The following ADGRL2 variants were observed in gnomAD, a reference collection of about 807,000 sequenced individuals.
ADGRL2 encodes the protein adhesion G protein-coupled receptor L2.
Under a neutral mutation model 157.4 loss-of-function variants are expected in ADGRL2, and 44 were observed. That is an observed-to-expected ratio of 0.28 (90% CI 0.22 to 0.36). ADGRL2 has a LOEUF of 0.36. Ranked by LOEUF, ADGRL2 falls within the 10% of genes least tolerant of loss-of-function variation. The pLI is 1.00. For synonymous variants in ADGRL2, 585 were observed against 624.7 expected, an observed-to-expected ratio of 0.94 and a Z score of 0.95; for missense variants, 1,510 against 1,768.9, an observed-to-expected ratio of 0.85 and a Z score of 2.63.
intron 2 of ADGRL2, among the ~76,000 whole-genome samples, chr1:81,847,188 G>C (rs2150415367): frequency 6.6e-6 from 1 of 152,008 alleles, no homozygotes; most frequent in Non-Finnish European, 1.5e-5. Flanking sequence ...GAAGAAAGAT[G>C]ATGGAGGTCA....
intron 3 of ADGRL2, among the ~76,000 whole-genome samples, chr1:81,598,635 G>A (rs754643530): frequency 1.3e-4 from 20 of 152,162 alleles, no homozygotes; most frequent in Admixed American, 1.3e-4. Flanking sequence ...GCCATAACAC[G>A]TTTAAAGGAC....
intron 2 of ADGRL2, among the ~76,000 whole-genome samples, chr1:81,789,510 G>A (rs1270441778): frequency 1.3e-5 from 2 of 151,792 alleles, no homozygotes; most frequent in Non-Finnish European, 2.9e-5. Context: ...GGCAGATCAC[G>A]AGGTCAGGAG....
intron 1 of ADGRL2, among the ~76,000 whole-genome samples, chr1:81,411,963 C>T (rs1363661795): frequency 6.6e-6 from 1 of 151,794 alleles, no homozygotes; most frequent in Non-Finnish European, 1.5e-5. Flanking sequence ...ATTCTGATAG[C>T]TCTTAGACAT....
At chr1:81,815,913 T>G (rs992248195) in intron 1 of ADGRL2, among the ~76,000 whole-genome samples, 4 of 151,822 alleles carry the variant, frequency 2.6e-5, no homozygotes, top group Non-Finnish European at 1.5e-5. Flanking sequence ...ATAAGTATCT[T>G]AGAATTCACA....
chr1:81,728,167 A>G (rs1203697103), intron 1 of ADGRL2, among the ~76,000 whole-genome samples: 3 of 152,000 alleles, frequency 2.0e-5, no homozygotes, highest in East Asian at 3.9e-4. Context: ...GTTCTAACTT[A>G]TTTACTTTTT....
chr1:81,609,735 G>T (rs1055665779), intron 3 of ADGRL2, among the ~76,000 whole-genome samples: 4 of 152,162 alleles, frequency 2.6e-5, no homozygotes, highest in African/African-American at 9.7e-5. Context: ...AAGCAATCCA[G>T]AGTCTTTTAA....
intron 2 of ADGRL2, among the ~76,000 whole-genome samples, chr1:81,891,524 C>T (rs1410620075): frequency 6.6e-6 from 1 of 152,008 alleles, no homozygotes; most frequent in Non-Finnish European, 1.5e-5. Flanking sequence ...GAAAATGTCA[C>T]CATATTTTAA....
At chr1:81,538,352 C>T (rs2079796165) in intron 2 of ADGRL2, among the ~76,000 whole-genome samples, 1 of 152,128 alleles carries the variant, frequency 6.6e-6, no homozygotes, top group Non-Finnish European at 1.5e-5. Context: ...ATAGCTCTGC[C>T]ATCTTCAACT....
intron 2 of ADGRL2, among the ~76,000 whole-genome samples, chr1:81,508,044 A>T (rs1272230689): frequency 6.6e-6 from 1 of 152,230 alleles, no homozygotes; most frequent in Non-Finnish European, 1.5e-5. Context: ...TATTCTAAGA[A>T]AACATTTAAT....
chr1:81,830,588 A>G (rs1267408010), intron 1 of ADGRL2, among the ~76,000 whole-genome samples: 1 of 151,950 alleles, frequency 6.6e-6, no homozygotes, highest in East Asian at 1.9e-4. Flanking sequence ...GCTCACTGCA[A>G]CCTCCACCTT....
chr1:81,587,513 T>C (rs2081051283), intron 3 of ADGRL2, among the ~76,000 whole-genome samples: 2 of 152,090 alleles, frequency 1.3e-5, no homozygotes, highest in South Asian at 4.1e-4. Flanking sequence ...GAAGAAGTTG[T>C]TGACTATGAC....
At chr1:81,690,422 G>A (rs903925591) in intron 3 of ADGRL2, among the ~76,000 whole-genome samples, 1 of 152,152 alleles carries the variant, frequency 6.6e-6, no homozygotes, top group Non-Finnish European at 1.5e-5. Flanking sequence ...CTTGAACCCC[G>A]GAGGTGGAGA....
intron 1 of ADGRL2, among the ~76,000 whole-genome samples, chr1:81,434,446 G>A (rs2077374949): frequency 6.6e-6 from 1 of 152,048 alleles, no homozygotes; most frequent in Non-Finnish European, 1.5e-5. Flanking sequence ...CTACCCAAAT[G>A]TAAACTTCAT....
intron 1 of ADGRL2, among the ~76,000 whole-genome samples, chr1:81,382,455 T>G (rs2076359740): frequency 6.6e-6 from 1 of 152,230 alleles, no homozygotes; most frequent in African/African-American, 2.4e-5. Context: ...GCATATTGTG[T>G]GCCTGGTGAC....
chr1:81,517,846 G>A (rs1170990951), intron 2 of ADGRL2, among the ~76,000 whole-genome samples: 2 of 152,300 alleles, frequency 1.3e-5, no homozygotes, highest in African/African-American at 2.4e-5. Flanking sequence ...GGCTCAGCTA[G>A]CATAGTTAGA....
chr1:81,353,663 A>G (rs1283457033), intron 1 of ADGRL2, among the ~76,000 whole-genome samples: 1 of 152,228 alleles, frequency 6.6e-6, no homozygotes, highest in African/African-American at 2.4e-5. Flanking sequence ...ACTGATTCCA[A>G]GGTTGGCACA....
intron 1 of ADGRL2, among the ~76,000 whole-genome samples, chr1:81,397,399 C>CA (rs2076675022): frequency 7.4e-5 from 10 of 134,592 alleles, no homozygotes; most frequent in Non-Finnish European, 1.4e-4. Flanking sequence ...CTGCTCACTG[C>CA]AACTCCGCCT....
At chr1:81,727,069 A>T (rs1193205261) in intron 1 of ADGRL2, among the ~76,000 whole-genome samples, 1 of 152,174 alleles carries the variant, frequency 6.6e-6, no homozygotes, top group African/African-American at 2.4e-5. Flanking sequence ...ATTGCACTAC[A>T]ATGTTCTCCT....
At chr1:81,404,572 C>G (rs1455778647) in intron 1 of ADGRL2, among the ~76,000 whole-genome samples, 1 of 152,138 alleles carries the variant, frequency 6.6e-6, no homozygotes, top group Non-Finnish European at 1.5e-5. Context: ...AGCTCTCAGC[C>G]ACTTCACTCA....
Sources: gnomAD v4.1 joint callset for allele counts (sites outside exome capture counted in the v4.1 genomes callset) on GRCh38, gnomAD v4.1.1 for gene constraint, MANE v1.5 for transcripts, NCBI Gene and HGNC (gene_info 2026-07-23, HGNC 2026-07-21) for gene names.